Variants in HAPLN2 observed in about 807,000 individuals in gnomAD.
The protein encoded by HAPLN2 is brain link protein-1.
A neutral mutation model predicts 29.3 loss-of-function variants in HAPLN2; 27 were observed. The ratio of observed to expected loss-of-function variants is 0.92; its 90% CI spans 0.68 to 1.27. The LOEUF is 1.27. Among genes scored for constraint, HAPLN2 ranks in the 50% most tolerant of loss-of-function variants. The pLI, the probability that HAPLN2 is intolerant of heterozygous loss-of-function variation, is 0.00. For synonymous variants in HAPLN2, 208 were observed against 211.7 expected (o/e 0.98, Z 0.15); for missense variants, 454 against 484.3 (o/e 0.94, Z 0.59).
At chr1:156,615,243 T>C (rs1349762604), upstream of HAPLN2, 1 of 152,238 alleles carries the variant, frequency 6.6e-6, no homozygotes, top group Non-Finnish European at 1.5e-5. Context: ...GCCCAGCAGC[T>C]GTAAAGGTTT....
chr1:156,624,609 G>A lies in HAPLN2; in HGVS notation c.565G>A (p.Glu189Lys). The A allele has an allele frequency of 6.2e-7, 1 of 1,612,686 alleles. No individual in the cohort carries two copies. Among genetic ancestry groups the A allele is most frequent in the African/African-American group, 1.3e-5 (1 of 75,034 alleles). ...CCGCCGTCTCCCGCCAGCTTGGACC[G>A]AGGGTCTGGACTGGTGTAACGCGGG... The part of the protein sequence containing the change: ...TYSQLYQAWT[E>K]GLDWCNAGWL... The change falls in exon 6 of 7, where the codon GAG becomes AAG. Residue 189 changes from glutamate to lysine, a missense_variant. Coordinates refer to ENST00000255039, the MANE Select transcript of HAPLN2 (RefSeq NM_021817.3).
At chr1:156,601,537 C>T in the HAPLN2 span, 1 of 1,422,964 alleles carries the variant, frequency 7.0e-7, no homozygotes, top group Non-Finnish European at 9.7e-7. Context: ...GAACCAAAAT[C>T]ACGGTTTTTC....
At chr1:156,621,102 ATTTTTTT>A (rs10653107) in intron 2 of HAPLN2, among the ~76,000 whole-genome samples, 14 of 126,086 alleles carry the variant, frequency 1.1e-4, no homozygotes, top group African/African-American at 3.6e-4. Context: ...AGAAGTCTTC[ATTTTTTT>A]TTTTTTTTTT....
the HAPLN2 span, among the ~76,000 whole-genome samples, chr1:156,612,393 A>AT: frequency 2.0e-5 from 3 of 151,814 alleles, no homozygotes; most frequent in Non-Finnish European, 4.4e-5. Context: ...TTGTTTGGAT[A>AT]TTTTTTTTGG....
chr1:156,617,478 A>G (rs1209331773), upstream of HAPLN2, among the ~76,000 whole-genome samples: 1 of 151,180 alleles, frequency 6.6e-6, no homozygotes, highest in Admixed American at 6.6e-5. Flanking sequence ...CCTCCCGAGG[A>G]GCTGGGATTA....
chr1:156,625,607 G>A lies in HAPLN2; in HGVS notation c.*223G>A, dbSNP rs1028262461. On this transcript the variant is annotated 3_prime_UTR_variant, in exon 7 of 7. Transcript: ENST00000255039. This position sits in a 1 kb window ranked among gnomAD's most constrained non-coding sequence, Gnocchi z 5.7. ...GCGGCGAGATGCAGAGGTGACCCTCGGACCCGCTGCCGTTCGCGAACCCTA... is the reference window on the plus strand; with the variant it reads ...GCGGCGAGATGCAGAGGTGACCCTCAGACCCGCTGCCGTTCGCGAACCCTA... The A allele has an allele frequency of 6.2e-6, 3 of 481,726 alleles. No individual in the cohort carries two copies. The highest frequency in any genetic ancestry group is 1.1e-5 in the Non-Finnish European group (3 of 279,616). 29.8% of individuals were successfully genotyped at this position (481,726 alleles called of 1,614,324 possible).
chr1:156,624,511 C>A, intron 5 of HAPLN2, 44 bp downstream of exon 5: 1 of 1,606,216 alleles, frequency 6.2e-7, no homozygotes. Flanking sequence ...GCGGAGCTGT[C>A]TCAGGGGCCC....
the HAPLN2 span, among the ~76,000 whole-genome samples, chr1:156,602,426 G>T: frequency 6.6e-6 from 1 of 151,936 alleles, no homozygotes; most frequent in South Asian, 2.1e-4. Context: ...ATACAGGATG[G>T]GTGAGACGCG....
At chr1:156,612,754 T>C in the HAPLN2 span, among the ~76,000 whole-genome samples, 1 of 152,132 alleles carries the variant, frequency 6.6e-6, no homozygotes, top group African/African-American at 2.4e-5. Flanking sequence ...TTGGAGTTCA[T>C]AGCTGGTTCC....
chr1:156,618,305 C>A (rs1229970817), upstream of HAPLN2, among the ~76,000 whole-genome samples: 327 of 103,162 alleles, frequency 3.2e-3, no homozygotes, highest in Non-Finnish European at 3.6e-3. Flanking sequence ...GACTCTGTCT[C>A]AAAAAAAAAA....
At position 156,625,101 on chromosome 1, in the gene HAPLN2, G is replaced by T; in HGVS notation, c.740G>T (p.Gly247Val). The change falls in exon 7 of 7, where the codon GGC (glycine) becomes GTC (valine). Residue 247 changes from glycine to valine, a missense_variant and splice_region_variant. Transcript: ENST00000255039. This position sits in a 1 kb window ranked among gnomAD's most constrained non-coding sequence, Gnocchi z 5.7. ...DAFCFTSALA[G>V]QVFFVPGRLT... Reference sequence around the variant, plus strand: ...GTCGGTGACCCGCTGTGGTCCCCAGGCCAAGTGTTCTTCGTGCCCGGGCGG... The same window carrying T: ...GTCGGTGACCCGCTGTGGTCCCCAGTCCAAGTGTTCTTCGTGCCCGGGCGG... The T allele has an allele frequency of 3.9e-6, 6 of 1,537,428 alleles. No individual in the cohort carries two copies. Among genetic ancestry groups the T allele is most frequent in the Non-Finnish European group, 5.2e-6 (6 of 1,146,518 alleles).
Position 156,625,182 on chromosome 1 carries a change from A to G in HAPLN2, c.821A>G (p.Lys274Arg). The G allele has an allele frequency of 6.5e-7, 1 of 1,549,322 alleles. No individual in the cohort carries two copies. Among genetic ancestry groups the G allele is most frequent in the Non-Finnish European group, 8.7e-7 (1 of 1,148,302 alleles). ...ACRRRGAVVA[K>R]VGHLYAAWKF... is the part of the protein sequence containing the mutation. Reference sequence around the variant, plus strand: ...CGGCGACGCGGCGCCGTGGTGGCCAAGGTTGGGCACCTCTACGCCGCCTGG... The same window carrying G: ...CGGCGACGCGGCGCCGTGGTGGCCAGGGTTGGGCACCTCTACGCCGCCTGG... The change falls in exon 7 of 7, where the codon AAG (lysine) becomes AGG (arginine). Residue 274 changes from lysine to arginine, a missense_variant. Coordinates refer to ENST00000255039, the MANE Select transcript of HAPLN2 (RefSeq NM_021817.3). The surrounding 1 kb of genome is among the most constrained non-coding windows in gnomAD (Gnocchi z 5.7).
chr1:156,620,809 C>T (rs1275600412), intron 2 of HAPLN2, among the ~76,000 whole-genome samples: 1 of 152,196 alleles, frequency 6.6e-6, no homozygotes, highest in Admixed American at 6.6e-5. Context: ...TATTTAGCAC[C>T]TACTATGTAC....
At chr1:156,605,417 C>G in the HAPLN2 span, among the ~76,000 whole-genome samples, 1 of 151,004 alleles carries the variant, frequency 6.6e-6, no homozygotes, top group African/African-American at 2.4e-5. Context: ...CATGGTGAAA[C>G]CCTGTCTCTA....
At chr1:156,604,490 A>G in the HAPLN2 span, among the ~76,000 whole-genome samples, 3 of 152,120 alleles carry the variant, frequency 2.0e-5, no homozygotes, top group Non-Finnish European at 4.4e-5. Flanking sequence ...GGGTTTCACC[A>G]TGTTGGCCAG....
the HAPLN2 span, among the ~76,000 whole-genome samples, chr1:156,602,890 G>T: frequency 1.3e-5 from 2 of 151,778 alleles, no homozygotes; most frequent in Non-Finnish European, 2.9e-5. Flanking sequence ...TCCCCATATC[G>T]GTATTTCCGT....
At chr1:156,610,198 G>A in the HAPLN2 span, among the ~76,000 whole-genome samples, 1 of 152,096 alleles carries the variant, frequency 6.6e-6, no homozygotes, top group Non-Finnish European at 1.5e-5. Context: ...TGGTGACAGA[G>A]CAAGACTCCA....
chr1:156,624,909 G>GGCCCCCCCCCCCCCCCCCCCCCCACC, intron 6 of HAPLN2, 126 bp downstream of exon 6: 1 of 999,510 alleles, frequency 1.0e-6, no homozygotes, highest in South Asian at 1.8e-5. Flanking sequence ...CCCCCCATCA[G>GGCCCCCCCCCCCCCCCCCCCCCCACC]CCCGCCCGCC....
chr1:156,621,784 G>A (rs540314107), intron 2 of HAPLN2, among the ~76,000 whole-genome samples: 1 of 151,380 alleles, frequency 6.6e-6, no homozygotes, highest in South Asian at 2.1e-4. Flanking sequence ...TGGGTGCAGT[G>A]GCTCAAACTT....
Sources: gnomAD v4.1 joint callset for allele counts (sites outside exome capture counted in the v4.1 genomes callset) on GRCh38, gnomAD v4.1.1 for gene constraint, Gnocchi (gnomAD v3.1) non-coding constraint, MANE v1.5 for transcripts, NCBI Gene and HGNC (gene_info 2026-07-23, HGNC 2026-07-21) for gene names.